The following CDC25C variants were observed in gnomAD, a reference collection of about 807,000 sequenced individuals.
CDC25C encodes the protein cell division cycle 25C.
CDC25C carries 48 observed loss-of-function variants against 52.5 expected under a neutral mutation model. That is an observed-to-expected ratio of 0.91 (90% confidence interval 0.72 to 1.16). The LOEUF is 1.16. CDC25C is among the 50% of genes most tolerant of loss of function. CDC25C has a pLI of 0.00. For missense variants in CDC25C, 510 were observed against 566.1 expected (o/e 0.90, Z 1.01); for synonymous variants, 187 against 206.5 (o/e 0.91, Z 0.81).
intron 1 of CDC25C, chr5:138,337,934 C>T (rs56316522): frequency 5.4e-6 from 7 of 1,286,030 alleles, no homozygotes; most frequent in Non-Finnish European, 7.1e-6. Flanking sequence ...GGAGGGAGGG[C>T]AGGGGCGATG....
At chr5:138,323,524 G>C (rs1759604754) in intron 6 of CDC25C, among the ~76,000 whole-genome samples, 1 of 151,884 alleles carries the variant, frequency 6.6e-6, no homozygotes, top group African/African-American at 2.4e-5. Context: ...TCCCCAGCTA[G>C]GGAACTCAAA....
rs761374740 is a variant in CDC25C, at chr5:138,286,626, G to A, written c.1031C>T (p.Ala344Val). 1 of 1,609,508 alleles carries A rather than the reference G, an allele frequency of 6.2e-7. No homozygotes were observed. Among genetic ancestry groups the A allele is most frequent in the Admixed American group, 1.7e-5 (1 of 58,954 alleles). ...TTCTTCCTGACTATATAAGTTTAAGGCTCCCTGTAGAAGAAGAATTTTAGT... is the reference window on the plus strand; with the variant it reads ...TTCTTCCTGACTATATAAGTTTAAGACTCCCTGTAGAAGAAGAATTTTAGT... ...YEYLGGHIQG[A>V]LNLYSQEELF... The change falls in exon 12 of 14, where the codon GCC becomes GTC. Residue 344 changes from alanine to valine, a missense_variant. Physicochemically the swap from Ala to Val is moderately conservative, Grantham distance 64. Coordinates refer to ENST00000323760, the MANE Select transcript of CDC25C (RefSeq NM_001790.5).
Position 138,302,764 on chromosome 5 carries a change from G to A in CDC25C, c.616-10648C>T, listed in dbSNP as rs545650978. Among the ~76,000 whole-genome samples the A allele has an allele frequency of 3.8e-4, 57 of 149,370 alleles. 1 individual carries two copies. In the South Asian group the frequency reaches 0.012, roughly 31 times the overall value. ...AAAAACTCACTTGATTATCTCAATA[G>A]ATACAGAGAAAAGGGCTGGGTAGGG... is the stretch of plus-strand genomic sequence containing the variant. On this transcript the variant is annotated intron_variant, in intron 7 of 13. Coordinates refer to ENST00000323760, the MANE Select transcript of CDC25C (RefSeq NM_001790.5).
chr5:138,291,319 G>C (rs1649454240), intron 8 of CDC25C, among the ~76,000 whole-genome samples: 1 of 151,824 alleles, frequency 6.6e-6, no homozygotes, highest in Non-Finnish European at 1.5e-5. Context: ...CTGTCAGACT[G>C]CATGTAAAAC....
At chr5:138,337,978 C>G (rs1760834801) in exon 1 of CDC25C, 13 of 1,289,708 alleles carry the variant, frequency 1.0e-5, no homozygotes, top group South Asian at 1.2e-5. Context: ...TGGCCTCCCC[C>G]GCGGGTTTCA....
intron 2 of CDC25C, among the ~76,000 whole-genome samples, chr5:138,330,469 C>T (rs1029075263): frequency 6.6e-6 from 1 of 152,166 alleles, no homozygotes; most frequent in Non-Finnish European, 1.5e-5. Context: ...TTGATTCTCA[C>T]AAGATCCTAG....
At chr5:138,296,019 C>G (rs546387981) in intron 7 of CDC25C, among the ~76,000 whole-genome samples, 36 of 152,198 alleles carry the variant, frequency 2.4e-4, no homozygotes, top group South Asian at 6.2e-4. Context: ...TATAAACTGG[C>G]CTACACACTC....
intron 7 of CDC25C, among the ~76,000 whole-genome samples, chr5:138,292,501 A>C (rs974980585): frequency 2.0e-5 from 3 of 151,798 alleles, no homozygotes; most frequent in African/African-American, 2.4e-5. Context: ...AAAAAAAAAA[A>C]AACATAAGTC....
At chr5:138,289,388 C>A in intron 10 of CDC25C, 113 bp downstream of exon 10, 3 of 739,192 alleles carry the variant, frequency 4.1e-6, no homozygotes, top group South Asian at 1.6e-5. Context: ...GAATAAGGAG[C>A]CTGTGTGAGT....
chr5:138,320,130 C>T lies in CDC25C; in HGVS notation c.460-756G>A, dbSNP rs184475488. Reference sequence around the variant, plus strand: ...GAGCAGCCTGGCCAACATGTTGAAACCCCATCTCTACTAAAAATACAAAAA... The same window carrying T: ...GAGCAGCCTGGCCAACATGTTGAAATCCCATCTCTACTAAAAATACAAAAA... On this transcript the variant is annotated intron_variant, in intron 6 of 13. Transcript: ENST00000323760. Among the ~76,000 whole-genome samples the T allele has an allele frequency of 4.2e-3, 647 of 152,240 alleles. 2 individuals are homozygous for T. Among genetic ancestry groups the T allele is most frequent in the African/African-American group, 0.015 (621 of 41,544 alleles).
intron 4 of CDC25C, among the ~76,000 whole-genome samples, chr5:138,327,207 A>C (rs1171969715): frequency 6.6e-6 from 1 of 151,474 alleles, no homozygotes; most frequent in African/African-American, 2.4e-5. Context: ...GTGAGCCAAA[A>C]TCGCACCACT....
chr5:138,319,323 T>C lies in CDC25C; in HGVS notation c.511A>G (p.Thr171Ala), dbSNP rs765415643. The C allele has an allele frequency of 6.2e-7, 1 of 1,613,278 alleles. No homozygotes were observed. Among genetic ancestry groups the C allele is most frequent in the Non-Finnish European group, 8.5e-7 (1 of 1,179,404 alleles). The change falls in exon 7 of 14, where the codon ACT becomes GCT. Residue 171 changes from threonine (T) to alanine (A), a missense_variant. By Grantham distance (58) the Thr-to-Ala change is moderately conservative. Transcript: ENST00000323760. ...TTTTTATCCAATTTTGGAACAGTAG[T>C]AATGGGACTGCCCAAATATTTCATT... Reference protein sequence around the residue: ...SEMKYLGSPITTVPKLDKNPN... With the variant: ...SEMKYLGSPIATVPKLDKNPN...
intron 6 of CDC25C, among the ~76,000 whole-genome samples, chr5:138,324,083 C>G (rs961822489): frequency 6.6e-6 from 1 of 151,680 alleles, no homozygotes; most frequent in Non-Finnish European, 1.5e-5. Context: ...CCAGCCTGGG[C>G]AAGATGGTGA....
intron 1 of CDC25C, chr5:138,337,113 A>T (rs1237778643): frequency 3.3e-5 from 5 of 152,216 alleles, no homozygotes; most frequent in Admixed American, 3.3e-4. Flanking sequence ...AAAACTTTGT[A>T]TTACAAAGAG....
At chr5:138,296,906 CTTTTT>C (rs1300029259) in intron 7 of CDC25C, among the ~76,000 whole-genome samples, 3 of 80,166 alleles carry the variant, frequency 3.7e-5, no homozygotes, top group East Asian at 4.0e-4. Flanking sequence ...CGCCCGGCCA[CTTTTT>C]TTTTTTTTTT....
At chr5:138,297,448 A>T (rs1157519197) in intron 7 of CDC25C, among the ~76,000 whole-genome samples, 1 of 151,754 alleles carries the variant, frequency 6.6e-6, no homozygotes, top group African/African-American at 2.4e-5. Flanking sequence ...CTCCTTCTCA[A>T]TTTTCTTTGT....
intron 6 of CDC25C, among the ~76,000 whole-genome samples, chr5:138,325,140 T>C (rs189522263): frequency 4.4e-4 from 67 of 152,128 alleles, no homozygotes; most frequent in African/African-American, 1.5e-3. Flanking sequence ...AAAAAACTGA[T>C]AAGAACAGCC....
rs750213053 is a variant in CDC25C, at chr5:138,285,795, T to C, written c.1319A>G (p.His440Arg). The change falls in exon 14 of 14, where the codon CAC becomes CGC. Residue 440 changes from histidine to arginine, a missense_variant. Coordinates refer to ENST00000323760, the MANE Select transcript of CDC25C (RefSeq NM_001790.5). ...TCGACACCTCAGCAACTCAGTCTTG[T>C]GGTCCTGATGATGCATAGGGCAGTA... is the stretch of plus-strand genomic sequence containing the variant. Reference protein sequence around the residue: ...QSYCPMHHQDHKTELLRCRSQ... With the variant: ...QSYCPMHHQDRKTELLRCRSQ... 6.2e-7 allele frequency: 1 copy of C among 1,614,188 alleles called. No homozygotes were observed. Among genetic ancestry groups the C allele is most frequent in the South Asian group, 1.1e-5 (1 of 91,088 alleles).
intron 7 of CDC25C, among the ~76,000 whole-genome samples, chr5:138,305,044 G>A (rs1183034569): frequency 1.3e-5 from 2 of 152,034 alleles, no homozygotes; most frequent in Non-Finnish European, 2.9e-5. Context: ...TGACTTCTCA[G>A]TCCCTCCAAC....
Sources: gnomAD v4.1 joint callset for allele counts (sites outside exome capture counted in the v4.1 genomes callset) on GRCh38, gnomAD v4.1.1 for gene constraint, MANE v1.5 for transcripts, NCBI Gene and HGNC (gene_info 2026-07-23, HGNC 2026-07-21) for gene names.